The following DNPEP variants were observed in gnomAD, a reference collection of about 807,000 sequenced individuals.
DNPEP encodes the protein aspartyl aminopeptidase.
A neutral mutation model predicts 59.1 loss-of-function variants in DNPEP; 46 were observed. The observed-to-expected ratio is 0.78, with a 90% CI of 0.61 to 0.99. The LOEUF is 0.99. DNPEP is among the 50% of genes least tolerant of loss of function. DNPEP has a pLI of 0.00. For synonymous variants in DNPEP, 229 were observed against 242.2 expected (o/e 0.95, Z 0.50); for missense variants, 617 against 649.9 (o/e 0.95, Z 0.55).
chr2:219,396,120 T>G (rs1270152358), intron 1 of DNPEP, among the ~76,000 whole-genome samples: 1 of 152,046 alleles, frequency 6.6e-6, no homozygotes, highest in African/African-American at 2.4e-5. Context: ...TAGTGGTTGC[T>G]CAGGGCTAGG....
At chr2:219,387,544 A>G in intron 1 of DNPEP, 1 of 1,418,506 alleles carries the variant, frequency 7.0e-7, no homozygotes, top group Admixed American at 2.9e-5. Context: ...CCTGTACCCC[A>G]AGGAGCACCC....
upstream of DNPEP, chr2:219,388,061 G>T (rs1159311604): frequency 5.0e-5 from 27 of 545,168 alleles, no homozygotes; most frequent in African/African-American, 6.6e-4. Flanking sequence ...CACCCGCCTT[G>T]CCCCGCCCTT....
At chr2:219,387,716 G>A in intron 1 of DNPEP, 43 bp downstream of exon 1, 1 of 1,607,362 alleles carries the variant, frequency 6.2e-7, no homozygotes, top group South Asian at 1.1e-5. Flanking sequence ...GCCGGACCCG[G>A]TCTGGGATCG....
At chr2:219,399,741 G>T in intron 1 of DNPEP, 1 of 754,198 alleles carries the variant, frequency 1.3e-6, no homozygotes, top group South Asian at 1.7e-5. Context: ...ACTGAGAGCA[G>T]GGGACCCTAT....
intron 1 of DNPEP, among the ~76,000 whole-genome samples, chr2:219,398,133 G>T (rs1954128383): frequency 6.6e-6 from 1 of 152,186 alleles, no homozygotes; most frequent in Non-Finnish European, 1.5e-5. Flanking sequence ...ACCTCATAAT[G>T]TTATGAGGAG....
At chr2:219,386,830 C>T (rs1953862371) in intron 3 of DNPEP, 52 bp from the exon 4 acceptor site, 2 of 1,609,328 alleles carry the variant, frequency 1.2e-6, no homozygotes, top group Admixed American at 1.7e-5. Context: ...ACTCAGCTGG[C>T]ACACAGGGCT....
rs544953822 is a variant in DNPEP at position 219,381,750 on chromosome 2, T to A, written c.1098-166A>T. On this transcript the variant is annotated intron_variant, in intron 11 of 14. Transcript: ENST00000273075. ...CAGGGTTCCGGGCAGCCTCTAGCAA[T>A]AGATGGAAACAAGTTTGTAGACAAA... 445 of 915,552 alleles carry A rather than the reference T, an allele frequency of 4.9e-4. No individual in the cohort carries two copies. Among genetic ancestry groups the A allele is most frequent in the Non-Finnish European group, 7.4e-4 (426 of 578,152 alleles). 56.7% of individuals were successfully genotyped at this position (915,552 alleles called of 1,614,324 possible). A position where few individuals can be genotyped will look rare whatever the true frequency, so the allele number is the denominator to read the frequency against.
chr2:219,386,836 G>A lies in DNPEP; in HGVS notation c.219+56C>T, dbSNP rs146919899. ...AGTTGCATTACTCAGCTGGCACACA[G>A]GGCTTGGAGACCAGCCTAGGGACCT... On this transcript the variant is annotated intron_variant, in intron 3 of 14. Transcript: ENST00000273075. 7.2e-3 allele frequency: 11,588 copies of A among 1,609,598 alleles called. 86 individuals carry two copies. The highest frequency in any genetic ancestry group is 0.041 in the Middle Eastern group (246 of 6,058).
At position 219,386,697 on chromosome 2, in the gene DNPEP, T is replaced by C; in HGVS notation, c.301A>G (p.Ile101Val). The C allele has an allele frequency of 6.2e-7, 1 of 1,612,832 alleles. No homozygotes were observed. Among genetic ancestry groups the C allele is most frequent in the South Asian group, 1.1e-5 (1 of 90,598 alleles). The change falls in exon 4 of 15, where the codon ATC becomes GTC. Residue 101 changes from isoleucine to valine, a missense_variant. By Grantham distance (29) the Ile-to-Val change is conservative. Transcript: ENST00000273075. ...CAGGGGCTGTCCGTGTGGGCCCCGA[T>C]GAGGCTGAAGCCATTGCCAGGAACG... ...QYVPGNGFSL[I>V]GAHTDSPCLR...
At chr2:219,383,301 C>G (rs2125136147) in intron 9 of DNPEP, 87 bp from the exon 10 acceptor site, 2 of 1,120,462 alleles carry the variant, frequency 1.8e-6, no homozygotes, top group East Asian at 4.8e-5. Context: ...TGCACGCTCC[C>G]CCATCCACCA....
chr2:219,387,004 A>G, intron 2 of DNPEP, 24 bp from the exon 3 acceptor site: 1 of 1,613,850 alleles, frequency 6.2e-7, no homozygotes, highest in Non-Finnish European at 8.5e-7. Context: ...ACCCTCTCAC[A>G]GCGATGGAAG....
Position 219,381,342 on chromosome 2 carries a change from G to A in DNPEP, c.1232C>T (p.Pro411Leu), listed in dbSNP as rs901680919. ...IREVANKVKV[P>L]LQDLMVRNDT... Reference sequence around the variant, plus strand: ...GGCAGGGCCCACCCTCACCTGCAGGGGGACCTTGACTTTGTTGGCCACCTC... The same window carrying A: ...GGCAGGGCCCACCCTCACCTGCAGGAGGACCTTGACTTTGTTGGCCACCTC... The change falls in exon 13 of 15, where the codon CCC (proline) becomes CTC (leucine). Residue 411 changes from proline to leucine, a missense_variant. Pro to Leu is a moderately conservative substitution (Grantham distance 98). Coordinates refer to ENST00000273075, the MANE Select transcript of DNPEP (RefSeq NM_012100.4). The A allele has an allele frequency of 4.3e-6, 7 of 1,613,766 alleles. No individual in the cohort carries two copies. In the African/African-American group the frequency reaches 6.7e-5, roughly 15 times the overall value.
At chr2:219,397,061 G>A (rs1433999675) in intron 1 of DNPEP, among the ~76,000 whole-genome samples, 1 of 152,212 alleles carries the variant, frequency 6.6e-6, no homozygotes, top group African/African-American at 2.4e-5. Context: ...CCCCTTGAAT[G>A]TCAATGCTCT....
chr2:219,386,090 G>T lies in DNPEP; in HGVS notation c.468C>A (p.Thr156=). 1.2e-6 allele frequency: 2 copies of T among 1,614,052 alleles called. No homozygotes were observed. The highest frequency in any genetic ancestry group is 1.1e-5 in the South Asian group (1 of 91,084). The change falls in exon 6 of 15, where the codon ACC becomes ACA. Residue 156 remains threonine, a synonymous_variant. Transcript: ENST00000273075. ...LAGRVIVKCP[T]SGRLEQQLVH... ...CCAGCTGCTGCTCCAGCCGACCTGA[G>T]GTAGGGCACTGCAGCCAGCCAGGCC...
intron 1 of DNPEP, among the ~76,000 whole-genome samples, chr2:219,395,611 A>G (rs543404552): frequency 6.6e-6 from 1 of 152,352 alleles, no homozygotes; most frequent in South Asian, 2.1e-4. Context: ...CATTCAGTAA[A>G]TGGCAACTTT....
In DNPEP at chr2:219,387,890, C is replaced by G; in HGVS notation, c.-96G>C. The G allele has an allele frequency of 7.1e-7, 1 of 1,417,022 alleles. No individual in the cohort carries two copies. The highest frequency in any genetic ancestry group is 1.5e-5 in the South Asian group (1 of 67,190). 87.8% of individuals were successfully genotyped at this position (1,417,022 alleles called of 1,614,324 possible). ...GCGTGCCCCTTCAGGCCGCGCCGCA[C>G]TCGTAGGCCTTCATCACGCTTCCCC... On this transcript the variant is annotated 5_prime_UTR_variant, in exon 1 of 15. Transcript: ENST00000273075.
rs769179092 is a variant in DNPEP, at chr2:219,374,948, C to T, written c.1314G>A (p.Arg438=). 3.7e-6 allele frequency: 6 copies of T among 1,614,152 alleles called. No individual in the cohort carries two copies. Among genetic ancestry groups the T allele is most frequent in the Non-Finnish European group, 5.1e-6 (6 of 1,180,036 alleles). ...GPILASRLGL[R]VLDLGSPQLA... is the part of the protein sequence containing the mutation. ...GTTGGGGGCTGCCTAAATCCAGCAC[C>T]CGCAGCCCCAGCCGAGAAGCCAAGA... Residue 438 remains arginine, a synonymous_variant, in exon 14 of 15, where the codon CGG becomes CGA. Transcript: ENST00000273075.
At chr2:219,383,271 G>A (rs1443424828) in intron 9 of DNPEP, 57 bp from the exon 10 acceptor site, 1 of 1,517,404 alleles carries the variant, frequency 6.6e-7, no homozygotes, top group Non-Finnish European at 9.1e-7. Context: ...CTGGAACTCA[G>A]CCCACCAGCA....
chr2:219,379,374 T>G (rs1373403240), intron 13 of DNPEP, among the ~76,000 whole-genome samples: 1 of 152,044 alleles, frequency 6.6e-6, no homozygotes, highest in African/African-American at 2.4e-5. Flanking sequence ...TGAGACAAGA[T>G]GTGGAGGTGG....
Sources: gnomAD v4.1 joint callset for allele counts (sites outside exome capture counted in the v4.1 genomes callset) on GRCh38, gnomAD v4.1.1 for gene constraint, MANE v1.5 for transcripts, NCBI Gene and HGNC (gene_info 2026-07-23, HGNC 2026-07-21) for gene names.